KCND3: variants seen among roughly 807,000 people sequenced by gnomAD.
KCND3 encodes the protein A-type voltage-gated potassium channel KCND3.
In KCND3, 9 loss-of-function variants were observed where a neutral mutation model predicts 51.1. The ratio of observed to expected loss-of-function variants is 0.18; its 90% CI spans 0.11 to 0.31. KCND3 has a LOEUF of 0.31. Among genes scored for constraint, KCND3 ranks in the 10% least tolerant of loss-of-function variants. KCND3 has a pLI of 1.00. For synonymous variants in KCND3, 349 were observed against 368.0 expected (o/e 0.95, Z 0.59); for missense variants, 526 against 903.8 (o/e 0.58, Z 5.36).
intron 2 of KCND3, among the ~76,000 whole-genome samples, chr1:111,945,660 A>C (rs1430131371): frequency 1.3e-5 from 2 of 152,180 alleles, no homozygotes; most frequent in African/African-American, 4.8e-5. Context: ...AGAGCCCTGA[A>C]GTTCCAGGGC....
intron 2 of KCND3, among the ~76,000 whole-genome samples, chr1:111,905,918 T>C (rs2101802590): frequency 6.6e-6 from 1 of 152,294 alleles, no homozygotes; most frequent in African/African-American, 2.4e-5. Context: ...CATTGGCCCC[T>C]GTATTTTACA....
rs1018134707 is a variant in KCND3, at chr1:111,787,172, C to T, written c.1107-66G>A. 2.0e-6 allele frequency: 3 copies of T among 1,500,492 alleles called. No homozygotes were observed. The African/African-American group carries it at 4.1e-5, about 21-fold the overall frequency. 92.9% of individuals were successfully genotyped at this position (1,500,492 alleles called of 1,614,324 possible). On this transcript the variant is annotated intron_variant, in intron 2 of 7. Transcript: ENST00000302127. The stretch of plus-strand genomic sequence containing the variant: ...CATTTGGGAAACAAGGCAGGCTTCC[C>T]TGCCAATCATTCACCTGTTTATTCA...
At chr1:111,881,417 C>T (rs1669311165) in intron 2 of KCND3, among the ~76,000 whole-genome samples, 1 of 152,240 alleles carries the variant, frequency 6.6e-6, no homozygotes, top group Non-Finnish European at 1.5e-5. Flanking sequence ...GCACAAGTCC[C>T]AACAGCTGCC....
At chr1:111,983,225 T>C (rs1304710805) in intron 1 of KCND3, among the ~76,000 whole-genome samples, 3 of 152,334 alleles carry the variant, frequency 2.0e-5, no homozygotes, top group East Asian at 1.9e-4. Context: ...CTAATTTTTA[T>C]TTCACTCTTT....
chr1:111,946,239 A>C (rs2018680), intron 2 of KCND3, among the ~76,000 whole-genome samples: 102,786 of 152,086 alleles, frequency 0.68, 34,880 homozygotes, highest in Admixed American at 0.73. Context: ...TCCTGTGTGC[A>C]TAGGGAGGGT....
chr1:111,813,271 G>A (rs1409454996), intron 2 of KCND3, among the ~76,000 whole-genome samples: 1 of 152,168 alleles, frequency 6.6e-6, no homozygotes, highest in Non-Finnish European at 1.5e-5. Flanking sequence ...TCTGATTCCA[G>A]CCTGATCAGA....
chr1:111,831,579 G>C (rs1360899068), intron 2 of KCND3, among the ~76,000 whole-genome samples: 1 of 152,150 alleles, frequency 6.6e-6, no homozygotes, highest in Non-Finnish European at 1.5e-5. Context: ...CTTTATAGCA[G>C]AGTGAGAAGG....
intron 2 of KCND3, among the ~76,000 whole-genome samples, chr1:111,951,034 G>A (rs1392731892): frequency 1.3e-5 from 2 of 151,976 alleles, no homozygotes; most frequent in Non-Finnish European, 2.9e-5. Context: ...GCTGGGCGTG[G>A]TGGTGCATGC....
In KCND3 at chr1:111,967,148, A is replaced by C. The variant is rs566581543; in HGVS notation, c.1106+14473T>G. On this transcript the variant is annotated intron_variant, in intron 2 of 7. Coordinates refer to ENST00000302127, the MANE Select transcript of KCND3 (RefSeq NM_001378969.1). ...AGAGTGAGATTCCGTCTCAAAAAAAAAAAAACAAAAACAAAAAAAAAAACA... is the reference window on the plus strand; with the variant it reads ...AGAGTGAGATTCCGTCTCAAAAAAACAAAAACAAAAACAAAAAAAAAAACA... Among the ~76,000 whole-genome samples the C allele has an allele frequency of 6.5e-3, 986 of 151,310 alleles. 9 individuals carry two copies. Among genetic ancestry groups the C allele is most frequent in the Middle Eastern group, 0.017 (5 of 288 alleles).
intron 2 of KCND3, among the ~76,000 whole-genome samples, chr1:111,845,437 T>C (rs1042778181): frequency 1.4e-4 from 21 of 152,206 alleles, no homozygotes; most frequent in African/African-American, 5.1e-4. Context: ...AGACTTGGCA[T>C]GTCCAGCTAC....
intron 1 of KCND3, among the ~76,000 whole-genome samples, chr1:111,984,941 C>T (rs180729087): frequency 7.2e-4 from 110 of 152,306 alleles, no homozygotes; most frequent in Admixed American, 1.7e-3. Context: ...TCTTCCCTAG[C>T]ACCTATCACC....
At chr1:111,906,848 A>G (rs1354933768) in intron 2 of KCND3, among the ~76,000 whole-genome samples, 1 of 152,168 alleles carries the variant, frequency 6.6e-6, no homozygotes, top group Non-Finnish European at 1.5e-5. Context: ...ACTGCTTCCC[A>G]AGCTTCCCAT....
intron 2 of KCND3, among the ~76,000 whole-genome samples, chr1:111,806,086 A>G (rs1300514425): frequency 6.6e-6 from 1 of 152,060 alleles, no homozygotes; most frequent in Non-Finnish European, 1.5e-5. Flanking sequence ...TCTGAGGAGC[A>G]CCCCTGCTAC....
chr1:111,898,020 C>A (rs1280826051), intron 2 of KCND3, among the ~76,000 whole-genome samples: 1 of 152,168 alleles, frequency 6.6e-6, no homozygotes, highest in Non-Finnish European at 1.5e-5. Context: ...GCAATTCCTA[C>A]AAGAGCACCC....
rs1674950528 is a variant in KCND3, at chr1:111,981,587, T to C, written c.1106+34A>G. The C allele has an allele frequency of 1.2e-6, 2 of 1,613,762 alleles. No individual in the cohort carries two copies. Among genetic ancestry groups the C allele is most frequent in the Non-Finnish European group, 1.7e-6 (2 of 1,179,896 alleles). On this transcript the variant is annotated intron_variant, in intron 2 of 7. Transcript: ENST00000302127. This position sits in a 1 kb window ranked among gnomAD's most constrained non-coding sequence, Gnocchi z 6.2. ...GAGGTCATCCAGCTGCCCTCCAACC[T>C]CCGTCCTGGTTTCATCCACCAGCGC...
intron 2 of KCND3, among the ~76,000 whole-genome samples, chr1:111,943,834 GA>G (rs1672649626): frequency 6.6e-6 from 1 of 152,216 alleles, no homozygotes. Context: ...AACTGATGCT[GA>G]GGAAGTTGAC....
At chr1:111,813,843 A>G (rs985246820) in intron 2 of KCND3, among the ~76,000 whole-genome samples, 1 of 152,358 alleles carries the variant, frequency 6.6e-6, no homozygotes, top group Non-Finnish European at 1.5e-5. Context: ...CTGAGCTTCA[A>G]AGGCATTCAG....
chr1:111,942,732 G>A (rs2101889418), intron 2 of KCND3, among the ~76,000 whole-genome samples: 1 of 152,328 alleles, frequency 6.6e-6, no homozygotes, highest in Admixed American at 6.5e-5. Flanking sequence ...AGGGTGAGAT[G>A]TGTTAGGGAG....
At chr1:111,832,324 T>C (rs1427605875) in intron 2 of KCND3, among the ~76,000 whole-genome samples, 1 of 152,198 alleles carries the variant, frequency 6.6e-6, no homozygotes, top group Admixed American at 6.5e-5. Context: ...CCTGGGACGT[T>C]GGGTGACAAT....
Sources: allele counts gnomAD v4.1 joint callset (sites outside exome capture counted in the v4.1 genomes callset), GRCh38; gene constraint gnomAD v4.1.1; non-coding constraint Gnocchi (gnomAD v3.1); transcripts MANE v1.5; gene names NCBI Gene and HGNC (gene_info 2026-07-23, HGNC 2026-07-21).